NTRK1: variants seen among roughly 807,000 people sequenced by gnomAD.
The protein encoded by NTRK1 is high affinity nerve growth factor receptor.
A neutral mutation model predicts 86.8 loss-of-function variants in NTRK1; 62 were observed. That is an observed-to-expected ratio of 0.71 (90% CI 0.58 to 0.88). The LOEUF is 0.88. Among genes scored for constraint, NTRK1 ranks in the 40% least tolerant of loss-of-function variants. The pLI is 0.00. For synonymous variants in NTRK1, 469 were observed against 456.6 expected, an observed-to-expected ratio of 1.03 and a Z score of -0.35; for missense variants, 967 against 1,078.4, an observed-to-expected ratio of 0.90 and a Z score of 1.45.
intron 6 of NTRK1, among the ~76,000 whole-genome samples, chr1:156,869,966 C>T (rs1309535886): frequency 3.3e-5 from 5 of 152,174 alleles, no homozygotes. Flanking sequence ...AGAGTCCACC[C>T]CAGAATTGCT....
upstream of NTRK1, among the ~76,000 whole-genome samples, chr1:156,858,274 T>C (rs994585756): frequency 6.6e-6 from 1 of 152,212 alleles, no homozygotes; most frequent in African/African-American, 2.4e-5. Flanking sequence ...TTCACTGGGA[T>C]CACAGTTTCA....
rs888261260 is a variant in NTRK1 at position 156,844,517 on chromosome 1, T to C, written c.50+2324T>C. On this transcript the variant is annotated intron_variant, in intron 2 of 16. Transcript: ENST00000392302. The stretch of plus-strand genomic sequence containing the variant: ...CTGTCCAAGAGCCATTGCCAGCCAG[T>C]GAGGTTGCCCTAACCCTGGCAGAGT... 6 of 1,614,010 alleles carry C rather than the reference T, an allele frequency of 3.7e-6. No homozygotes were observed. In the African/African-American group the frequency reaches 8.0e-5, roughly 22 times the overall value.
intron 1 of NTRK1, among the ~76,000 whole-genome samples, chr1:156,818,773 G>A (rs1558072876): frequency 6.6e-6 from 1 of 152,200 alleles, no homozygotes; most frequent in Non-Finnish European, 1.5e-5. Context: ...AAACTGTGCT[G>A]CTATAAACAT....
intron 2 of NTRK1, chr1:156,852,101 G>T: frequency 6.2e-7 from 1 of 1,613,770 alleles, no homozygotes; most frequent in Non-Finnish European, 8.5e-7. Context: ...ACAGGCACGA[G>T]GGTCTTCTGG....
At chr1:156,838,452 C>T (rs1387207195) in intron 1 of NTRK1, among the ~76,000 whole-genome samples, 1 of 151,234 alleles carries the variant, frequency 6.6e-6, no homozygotes, top group Admixed American at 6.6e-5. Context: ...GTATTTCAGT[C>T]GCTGCATTTA....
In NTRK1 at chr1:156,881,621, C is replaced by G. The variant is rs1648270200; in HGVS notation, c.2370C>G (p.Val790=). ...RLQALAQAPP[V]YLDVLG is the part of the protein sequence containing the mutation. ...AAGCCCTGGCCCAGGCACCTCCTGTCTACCTGGATGTCCTGGGCTAGGGGG... is the reference window on the plus strand; with the variant it reads ...AAGCCCTGGCCCAGGCACCTCCTGTGTACCTGGATGTCCTGGGCTAGGGGG... Residue 790 remains valine (V), a synonymous_variant, in exon 17 of 17, where the codon GTC becomes GTG. Coordinates refer to ENST00000524377, the MANE Select transcript of NTRK1 (RefSeq NM_002529.4). 6.2e-7 allele frequency: 1 copy of G among 1,609,474 alleles called. No individual in the cohort carries two copies. Among genetic ancestry groups the G allele is most frequent in the South Asian group, 1.1e-5 (1 of 90,226 alleles).
chr1:156,864,497 G>T (rs1237077264), intron 2 of NTRK1, 69 bp downstream of exon 2: 4 of 1,523,338 alleles, frequency 2.6e-6, no homozygotes, highest in Non-Finnish European at 3.6e-6. Context: ...GGTCAGGGAG[G>T]GCTCAAGCAT....
At chr1:156,844,539 G>T in intron 2 of NTRK1, 1 of 1,614,198 alleles carries the variant, frequency 6.2e-7, no homozygotes, top group South Asian at 1.1e-5. Flanking sequence ...AACCCTGGCA[G>T]AGTAGTTTCC....
chr1:156,856,476 G>A (rs772969646), upstream of NTRK1, among the ~76,000 whole-genome samples: 17 of 152,144 alleles, frequency 1.1e-4, no homozygotes, highest in Non-Finnish European at 2.2e-4. Context: ...ACATTGTAGG[G>A]TGTAGATAAA....
chr1:156,879,313 T>C lies in NTRK1; in HGVS notation c.1997T>C (p.Ile666Thr), dbSNP rs2102925045. 2 of 1,612,408 alleles carry C rather than the reference T, an allele frequency of 1.2e-6. No homozygotes were observed. Among genetic ancestry groups the C allele is most frequent in the Non-Finnish European group, 1.7e-6 (2 of 1,180,014 alleles). Residue 666 changes from isoleucine (I) to threonine (T), a missense_variant, in exon 15 of 17, where the codon ATT becomes ACT. Coordinates refer to ENST00000524377, the MANE Select transcript of NTRK1 (RefSeq NM_002529.4). ...GTGGGCCAGGGACTGGTGGTCAAGA[T>C]TGGTGATTTTGGCATGAGCAGGGAT... ...CLVGQGLVVKIGDFGMSRDIY... is the reference protein window; with the variant it reads ...CLVGQGLVVKTGDFGMSRDIY...
intron 1 of NTRK1, chr1:156,841,989 TG>T: frequency 6.4e-7 from 1 of 1,557,200 alleles, no homozygotes; most frequent in Admixed American, 1.8e-5. Flanking sequence ...AGATACAGGG[TG>T]GGGGTGACTT....
chr1:156,864,616 G>C, intron 2 of NTRK1, 112 bp from the exon 3 acceptor site: 1 of 1,254,076 alleles, frequency 8.0e-7, no homozygotes, highest in Non-Finnish European at 1.2e-6. Context: ...TGAGGGGCCT[G>C]AGGAGGGGTA....
At chr1:156,826,302 T>TTTC (rs1398674978) in intron 1 of NTRK1, among the ~76,000 whole-genome samples, 1 of 135,402 alleles carries the variant, frequency 7.4e-6, no homozygotes, top group East Asian at 2.2e-4. Flanking sequence ...TCTTTTTTTT[T>TTTC]TTTTTTTTTT....
At chr1:156,838,746 G>A (rs139621989) in intron 1 of NTRK1, among the ~76,000 whole-genome samples, 2 of 152,236 alleles carry the variant, frequency 1.3e-5, no homozygotes, top group Non-Finnish European at 2.9e-5. Flanking sequence ...AGGTGCAGCC[G>A]CGATGGCATA....
intron 2 of NTRK1, chr1:156,849,513 G>GGGT: frequency 2.1e-6 from 1 of 486,122 alleles, no homozygotes; most frequent in East Asian, 5.4e-5. Flanking sequence ...CAGGGGGTGG[G>GGGT]AAAGGGGATG....
At chr1:156,851,499 G>A in intron 2 of NTRK1, 1 of 1,606,774 alleles carries the variant, frequency 6.2e-7, no homozygotes, top group Non-Finnish European at 8.5e-7. Flanking sequence ...GGGCAAGGGG[G>A]CTGAATGGGG....
intron 3 of NTRK1, among the ~76,000 whole-genome samples, chr1:156,866,351 C>T (rs1370977428): frequency 6.6e-6 from 1 of 152,214 alleles, no homozygotes; most frequent in Admixed American, 6.5e-5. Context: ...CTTTTTCCAT[C>T]CATACAACGA....
chr1:156,851,637 G>T, intron 2 of NTRK1: 1 of 1,614,164 alleles, frequency 6.2e-7, no homozygotes, highest in Non-Finnish European at 8.5e-7. Flanking sequence ...CCCCAAAGTA[G>T]GTACTGACAG....
intron 1 of NTRK1, among the ~76,000 whole-genome samples, chr1:156,831,639 C>T (rs1654468658): frequency 6.6e-6 from 1 of 152,110 alleles, no homozygotes; most frequent in African/African-American, 2.4e-5. Flanking sequence ...AGGGAAACTG[C>T]TTGGTATCCT....
Sources: allele counts gnomAD v4.1 joint callset (sites outside exome capture counted in the v4.1 genomes callset), GRCh38; gene constraint gnomAD v4.1.1; transcripts MANE v1.5; gene names NCBI Gene and HGNC (gene_info 2026-07-23, HGNC 2026-07-21).